The following ACACB variants were observed in gnomAD, a reference collection of about 807,000 sequenced individuals.
ACACB encodes the protein acetyl-CoA carboxylase beta.
Under a neutral mutation model 278.8 loss-of-function variants are expected in ACACB, and 209 were observed. That is an observed-to-expected ratio of 0.75 (90% CI 0.67 to 0.84). The LOEUF (loss-of-function observed/expected upper bound fraction) is 0.84. Among genes scored for constraint, ACACB ranks in the 40% least tolerant of loss-of-function variants. ACACB has a pLI of 0.00. For missense variants in ACACB, 2,850 were observed against 3,269.0 expected, an observed-to-expected ratio of 0.87 and a Z score of 3.13; for synonymous variants, 1,174 against 1,285.6, an observed-to-expected ratio of 0.91 and a Z score of 1.86.
chr12:109,223,120 C>A (rs2046223009), intron 26 of ACACB, among the ~76,000 whole-genome samples: 1 of 152,142 alleles, frequency 6.6e-6, no homozygotes, highest in South Asian at 2.1e-4. Context: ...GGAGCCCAGT[C>A]CTCCAGGAAG....
chr12:109,133,857 ATATATATTTT>A (rs1317311186), intron 1 of ACACB, among the ~76,000 whole-genome samples: 11 of 49,054 alleles, frequency 2.2e-4, no homozygotes, highest in African/African-American at 8.7e-4. Context: ...ATATATATAT[ATATATATTTT>A]TTTTTTTTTT....
intron 16 of ACACB, among the ~76,000 whole-genome samples, chr12:109,194,511 CATGTGT>C (rs1339465789): frequency 2.9e-4 from 16 of 54,282 alleles, no homozygotes; most frequent in African/African-American, 2.1e-4. Context: ...TCTGTGTGTG[CATGTGT>C]GTGTGTGTGT....
intron 3 of ACACB, 68 bp from the exon 4 acceptor site, chr12:109,167,828 G>A (rs369281773): frequency 2.3e-5 from 37 of 1,609,694 alleles, no homozygotes; most frequent in Admixed American, 1.8e-4. Flanking sequence ...AGGTGGACTC[G>A]GGGTAGCACG....
Position 109,167,972 on chromosome 12 carries a change from G to C in ACACB, c.863G>C (p.Arg288Pro). The C allele has an allele frequency of 6.2e-7, 1 of 1,613,850 alleles. No homozygotes were observed. Among genetic ancestry groups the C allele is most frequent in the Non-Finnish European group, 8.5e-7 (1 of 1,179,936 alleles). The change falls in exon 4 of 53, where the codon CGC becomes CCC. Residue 288 changes from arginine to proline, a missense_variant. Transcript: ENST00000338432. Reference sequence around the variant, plus strand: ...CGCAGGTGGGCCTATGAGATGTTCCGCAACGAGCGGGCCATCCGGTTTGTT... The same window carrying C: ...CGCAGGTGGGCCTATGAGATGTTCCCCAACGAGCGGGCCATCCGGTTTGTT... ...SIRRWAYEMF[R>P]NERAIRFVVM...
intron 2 of ACACB, among the ~76,000 whole-genome samples, chr12:109,140,855 T>C (rs2043105031): frequency 6.7e-6 from 1 of 149,640 alleles, no homozygotes; most frequent in African/African-American, 2.4e-5. Flanking sequence ...GGGGCAGTTC[T>C]CTCTGCCTCC....
intron 2 of ACACB, among the ~76,000 whole-genome samples, chr12:109,158,364 T>G (rs1022332626): frequency 5.0e-5 from 3 of 60,038 alleles, no homozygotes; most frequent in Admixed American, 1.4e-4. Flanking sequence ...AGGATTCTTT[T>G]GATTTTTTTT....
chr12:109,176,165 A>G lies in ACACB; in HGVS notation c.1339A>G (p.Ile447Val). Residue 447 changes from isoleucine to valine, a missense_variant, in exon 9 of 53, where the codon ATT becomes GTT. By Grantham distance (29) the Ile-to-Val change is conservative. Around this residue, in one of 3 missense-constraint regions of ACACB, gnomAD observed 2,265 missense variants for 2,561.3 expected, o/e 0.88. Transcript: ENST00000338432. ...CCTTTGCACCCAGGCAGCAGAAAGAATTGGTTTTCCATTGATGATCAAAGC... is the reference window on the plus strand; with the variant it reads ...CCTTTGCACCCAGGCAGCAGAAAGAGTTGGTTTTCCATTGATGATCAAAGC... ...VDEGLEAAER[I>V]GFPLMIKASE... 6.2e-7 allele frequency: 1 copy of G among 1,614,218 alleles called. No homozygotes were observed. Among genetic ancestry groups the G allele is most frequent in the Non-Finnish European group, 8.5e-7 (1 of 1,180,042 alleles).
rs939702335 is a variant in ACACB at position 109,196,422 on chromosome 12, C to T, written c.2482-586C>T. On this transcript the variant is annotated intron_variant, in intron 16 of 52. Transcript: ENST00000338432. ...GCAGATTTGGTATCTACTGAGGACC[C>T]ACCTTTCGTTTCATAGATGCTGTCC... Among the ~76,000 whole-genome samples, 56 of 152,306 alleles carry T rather than the reference C, an allele frequency of 3.7e-4. 2 individuals carry two copies. The highest frequency in any genetic ancestry group is 3.2e-3 in the Admixed American group (49 of 15,300).
chr12:109,208,641 A>G (rs1254391759), intron 20 of ACACB, among the ~76,000 whole-genome samples: 1 of 152,132 alleles, frequency 6.6e-6, no homozygotes, highest in Non-Finnish European at 1.5e-5. Context: ...CTACTGAGAC[A>G]CCCCGGAAAC....
At chr12:109,264,412 G>A in intron 50 of ACACB, 26 bp downstream of exon 50, 1 of 1,611,988 alleles carries the variant, frequency 6.2e-7, no homozygotes. Context: ...GCCGTGTAGG[G>A]TGCAAAGAGC....
chr12:109,123,816 C>G (rs2042612060), intron 1 of ACACB, among the ~76,000 whole-genome samples: 1 of 151,628 alleles, frequency 6.6e-6, no homozygotes, highest in Non-Finnish European at 1.5e-5. Context: ...GTAGCTGGGA[C>G]TACAGGGACA....
chr12:109,120,601 C>T lies in ACACB; in HGVS notation c.-10+3897C>T, dbSNP rs11830759. Among the ~76,000 whole-genome samples the T allele has an allele frequency of 4.3e-3, 660 of 152,198 alleles. 7 individuals are homozygous for T. Among genetic ancestry groups the T allele is most frequent in the African/African-American group, 0.015 (630 of 41,514 alleles). ...TGTGTGTGTAAATAGAGCACTGTCTCCCAGGGTTCTGGATGAATTTGAACA... is the reference window on the plus strand; with the variant it reads ...TGTGTGTGTAAATAGAGCACTGTCTTCCAGGGTTCTGGATGAATTTGAACA... On this transcript the variant is annotated intron_variant, in intron 1 of 52. Coordinates refer to ENST00000338432, the MANE Select transcript of ACACB (RefSeq NM_001093.4).
intron 34 of ACACB, among the ~76,000 whole-genome samples, 193 bp from the exon 35 acceptor site, chr12:109,239,637 T>C (rs2046736264): frequency 1.3e-5 from 2 of 152,214 alleles, no homozygotes; most frequent in African/African-American, 4.8e-5. Flanking sequence ...ATAGGACACA[T>C]GTCAATACAC....
chr12:109,212,037 C>T (rs1255279642), intron 21 of ACACB, among the ~76,000 whole-genome samples: 2 of 152,222 alleles, frequency 1.3e-5, no homozygotes, highest in East Asian at 1.9e-4. Flanking sequence ...TCCTTGTTCC[C>T]CATCCCATTG....
In ACACB at chr12:109,206,810, A is replaced by T; in HGVS notation, c.3014A>T (p.Asn1005Ile). ...VFHSVLENLT[N>I]VMSGFCLPEP... The stretch of plus-strand genomic sequence containing the variant: ...CACAGCGTCCTGGAAAACCTCACCA[A>T]CGTCATGAGTGGCTTTTGTCTGCCA... Residue 1005 changes from asparagine to isoleucine, a missense_variant, in exon 20 of 53, where the codon AAC (asparagine) becomes ATC (isoleucine). Asn to Ile is a moderately radical substitution (Grantham distance 149). Around this residue, in one of 3 missense-constraint regions of ACACB, gnomAD observed 2,265 missense variants for 2,561.3 expected, o/e 0.88. Coordinates refer to ENST00000338432, the MANE Select transcript of ACACB (RefSeq NM_001093.4). The T allele has an allele frequency of 6.2e-7, 1 of 1,614,052 alleles. No individual in the cohort carries two copies. The highest frequency in any genetic ancestry group is 2.2e-5 in the East Asian group (1 of 44,866).
rs766830119 is a variant in ACACB, at chr12:109,180,081, G to C, written c.1812G>C (p.Gln604His). The stretch of plus-strand genomic sequence containing the variant: ...CTGATGTTAATCTGCCGGCCGCCCA[G>C]CTACAGGTGAGAAAATGGGCTTGGG... ...MIADVNLPAA[Q>H]LQIAMGVPLH... The change falls in exon 11 of 53, where the codon CAG (glutamine) becomes CAC (histidine). Residue 604 changes from glutamine (Q) to histidine (H), a missense_variant. Physicochemically the swap from Gln to His is conservative, Grantham distance 24. Around this residue, in one of 3 missense-constraint regions of ACACB, gnomAD observed 2,265 missense variants for 2,561.3 expected, o/e 0.88. Transcript: ENST00000338432. 1.2e-6 allele frequency: 2 copies of C among 1,610,160 alleles called. No homozygotes were observed. Among genetic ancestry groups the C allele is most frequent in the Non-Finnish European group, 8.5e-7 (1 of 1,178,156 alleles).
Position 109,202,375 on chromosome 12 carries a change from C to T in ACACB, c.2913+674C>T, listed in dbSNP as rs570790812. 9.2e-5 allele frequency among the ~76,000 whole-genome samples: 14 copies of T among 152,062 alleles called. No individual in the cohort carries two copies. The South Asian group carries it at 2.7e-3, about 29-fold the overall frequency. On this transcript the variant is annotated intron_variant, in intron 19 of 52. Transcript: ENST00000338432. Reference sequence around the variant, plus strand: ...TGTCGCCCAGGCTGGAGTGCAGTGGCGTGATCTCGACTCACTGCAACCTCT... The same window carrying T: ...TGTCGCCCAGGCTGGAGTGCAGTGGTGTGATCTCGACTCACTGCAACCTCT...
Position 109,266,386 on chromosome 12 carries a change from G to T in ACACB, c.*24G>T. 6.3e-7 allele frequency: 1 copy of T among 1,585,460 alleles called. No homozygotes were observed. The highest frequency in any genetic ancestry group is 1.1e-5 in the South Asian group (1 of 88,490). On this transcript the variant is annotated 3_prime_UTR_variant, in exon 53 of 53. Transcript: ENST00000338432. Reference sequence around the variant, plus strand: ...GACCGTGGCCCGCCCAGCCACTCCCGGGACCACGGCAAAAGGAACCACCCA... The same window carrying T: ...GACCGTGGCCCGCCCAGCCACTCCCTGGACCACGGCAAAAGGAACCACCCA...
At chr12:109,212,789 GTCATCTGAA>G in intron 21 of ACACB, 38 bp from the exon 22 acceptor site, 1 of 1,510,546 alleles carries the variant, frequency 6.6e-7, no homozygotes, top group South Asian at 1.1e-5. Flanking sequence ...ACTGCTGTGT[GTCATCTGAA>G]TCATCAGCAG....
Sources: gnomAD v4.1 joint callset for allele counts (sites outside exome capture counted in the v4.1 genomes callset) on GRCh38, gnomAD v4.1.1 for gene constraint, gnomAD v4.1.1 regional missense constraint, MANE v1.5 for transcripts, NCBI Gene and HGNC (gene_info 2026-07-23, HGNC 2026-07-21) for gene names.